PALM: variants seen among roughly 807,000 people sequenced by gnomAD.
PALM encodes paralemmin.
A neutral mutation model predicts 30.7 loss-of-function variants in PALM; 18 were observed. The ratio of observed to expected loss-of-function variants is 0.59; its 90% CI spans 0.41 to 0.87. PALM has a LOEUF of 0.87. Ranked by LOEUF, PALM falls within the 40% of genes least tolerant of loss-of-function variation. The probability of loss-of-function intolerance (pLI) is 0.00; values close to 1 mark genes in which losing one functional copy is unlikely to be tolerated. For synonymous variants in PALM, 286 were observed against 242.8 expected (o/e 1.18, Z -1.66); for missense variants, 529 against 555.4 (o/e 0.95, Z 0.48).
chr19:728,864 C>G (rs1390094638), intron 4 of PALM, among the ~76,000 whole-genome samples: 1 of 151,966 alleles, frequency 6.6e-6, no homozygotes, highest in Non-Finnish European at 1.5e-5. Context: ...ATTAGCCAGG[C>G]GTGGTGGCGG....
chr19:741,323 C>T (rs2033180791), intron 8 of PALM, among the ~76,000 whole-genome samples: 1 of 151,914 alleles, frequency 6.6e-6, no homozygotes, highest in Admixed American at 6.6e-5. Flanking sequence ...AGAGCCGCAG[C>T]CCCTGCAAAG....
At position 727,005 on chromosome 19, in the gene PALM, CAGGAG is replaced by C; in HGVS notation, c.58-1_61del. 2.0e-6 allele frequency: 3 copies of C among 1,533,594 alleles called. No individual in the cohort carries two copies. The highest frequency in any genetic ancestry group is 1.8e-6 in the Non-Finnish European group (2 of 1,132,946). The allele number at this position is 1,533,594 out of a possible 1,614,324, so 95.0% of individuals were successfully genotyped here. A position where few individuals can be genotyped will look rare whatever the true frequency, so the allele number is the denominator to read the frequency against. On this transcript the variant is annotated splice_acceptor_variant and coding_sequence_variant, in exon 3 of 9. Transcript: ENST00000338448. LOFTEE classifies it high-confidence loss of function. ...CCCTGACCCCACCCGGCCCTCCCCA[CAGGAG>C]AAGCGGAAGCGGCAGGCGGAGATCG...
chr19:723,073 A>C (rs1315374522), intron 1 of PALM, among the ~76,000 whole-genome samples: 3 of 148,758 alleles, frequency 2.0e-5, no homozygotes, highest in Non-Finnish European at 3.0e-5. Flanking sequence ...GCAGCCTCCC[A>C]GGCGGGGCTG....
intron 4 of PALM, among the ~76,000 whole-genome samples, chr19:730,030 T>TAGTTTGCTTTCAGAGGCC (rs2032822544): frequency 6.6e-6 from 1 of 152,044 alleles, no homozygotes; most frequent in Non-Finnish European, 1.5e-5. Context: ...TTTCAGAGGC[T>TAGTTTGCTTTCAGAGGCC]TCAGCTTCAC....
intron 7 of PALM, among the ~76,000 whole-genome samples, chr19:738,234 A>G (rs1320137979): frequency 1.3e-5 from 2 of 152,034 alleles, no homozygotes; most frequent in African/African-American, 4.8e-5. Context: ...CTACTAAAAA[A>G]TAGAAAAATT....
intron 4 of PALM, 150 bp from the exon 5 acceptor site, chr19:730,945 G>A (rs961069427): frequency 2.5e-5 from 14 of 566,160 alleles, no homozygotes; most frequent in South Asian, 5.0e-5. Flanking sequence ...AGGTTGCAGC[G>A]AGCCAAGATC....
chr19:738,576 C>T (rs2033092931), intron 7 of PALM, among the ~76,000 whole-genome samples: 1 of 151,178 alleles, frequency 6.6e-6, no homozygotes, highest in South Asian at 2.1e-4. Context: ...TGGGAAGAGC[C>T]AGGGTGGGGG....
At chr19:745,527 C>T (rs1222390807) in intron 8 of PALM, among the ~76,000 whole-genome samples, 1 of 151,534 alleles carries the variant, frequency 6.6e-6, no homozygotes, top group Non-Finnish European at 1.5e-5. Context: ...AACCCCAGCT[C>T]TATTAAAAAT....
rs1568215720 is a variant in PALM, at chr19:709,793, G to A, written c.5+642G>A. ...ACCGGCGTTTTCCAGCGGGGCGCCT[G>A]GGTGGGATACCCTCTCGGGGAAGTG... On this transcript the variant is annotated intron_variant, in intron 1 of 8. Coordinates refer to ENST00000338448, the MANE Select transcript of PALM (RefSeq NM_002579.3). This position sits in a 1 kb window ranked among gnomAD's most constrained non-coding sequence, Gnocchi z 4.3. Among the ~76,000 whole-genome samples, 1 of 152,212 alleles carries A rather than the reference G, an allele frequency of 6.6e-6. No homozygotes were observed. The highest frequency in any genetic ancestry group is 6.5e-5 in the Admixed American group (1 of 15,290).
intron 7 of PALM, among the ~76,000 whole-genome samples, chr19:740,066 C>G (rs1468407171): frequency 6.6e-6 from 1 of 152,226 alleles, no homozygotes; most frequent in African/African-American, 2.4e-5. Context: ...ACAGAGGACA[C>G]AGTGCAGAGT....
chr19:745,687 A>G (rs1247273371), intron 8 of PALM, among the ~76,000 whole-genome samples: 3 of 7,482 alleles, frequency 4.0e-4, no homozygotes, highest in Non-Finnish European at 5.4e-4. Context: ...TCCATCTCAG[A>G]AAAAAAAAAA....
At chr19:744,663 G>A (rs1387263259) in intron 8 of PALM, among the ~76,000 whole-genome samples, 1 of 152,090 alleles carries the variant, frequency 6.6e-6, no homozygotes, top group African/African-American at 2.4e-5. Context: ...GGAGGCCAAG[G>A]CGGGTGGCTC....
chr19:730,357 G>T (rs1351282556), intron 4 of PALM, among the ~76,000 whole-genome samples: 1 of 152,152 alleles, frequency 6.6e-6, no homozygotes, highest in African/African-American at 2.4e-5. Flanking sequence ...AATGTCGCCC[G>T]CCCTTGCCAG....
chr19:731,224 G>A lies in PALM; in HGVS notation c.399G>A (p.Glu133=). The A allele has an allele frequency of 6.2e-7, 1 of 1,610,932 alleles. No individual in the cohort carries two copies. The highest frequency in any genetic ancestry group is 8.5e-7 in the Non-Finnish European group (1 of 1,179,158). The part of the protein sequence containing the change: ...PSPAKEERKT[E]VVMNSQQTPV... Reference sequence around the variant, plus strand: ...CAGCCAAGGAGGAGCGCAAGACAGAGGTGGTGATGAATTCACAGCAGGTAA... The same window carrying A: ...CAGCCAAGGAGGAGCGCAAGACAGAAGTGGTGATGAATTCACAGCAGGTAA... The change falls in exon 5 of 9, where the codon GAG becomes GAA. Residue 133 remains glutamate, a synonymous_variant. Coordinates refer to ENST00000338448, the MANE Select transcript of PALM (RefSeq NM_002579.3).
Position 736,091 on chromosome 19 carries a change from C to T in PALM, c.502+13C>T, listed in dbSNP as rs1230904593. Reference sequence around the variant, plus strand: ...ATGATGAAGGCAGGTGGGTTGGCCCCCAGGCTCTGGGCCCCAGATCCAGCC... The same window carrying T: ...ATGATGAAGGCAGGTGGGTTGGCCCTCAGGCTCTGGGCCCCAGATCCAGCC... On this transcript the variant is annotated intron_variant, in intron 7 of 8. Transcript: ENST00000338448. The T allele has an allele frequency of 6.2e-7, 1 of 1,602,000 alleles. No individual in the cohort carries two copies. The highest frequency in any genetic ancestry group is 1.7e-5 in the Admixed American group (1 of 58,778).
chr19:743,818 A>T (rs2033259526), intron 8 of PALM, among the ~76,000 whole-genome samples: 1 of 152,238 alleles, frequency 6.6e-6, no homozygotes, highest in African/African-American at 2.4e-5. Flanking sequence ...AGTCAGAGAC[A>T]CACAGATAAG....
At position 746,372 on chromosome 19, in the gene PALM, A is replaced by G. The variant is rs2033340279; in HGVS notation, c.722A>G (p.Glu241Gly). Reference protein sequence around the residue: ...EVDELIHKADEVTLSEAGSTA... With the variant: ...EVDELIHKADGVTLSEAGSTA... ...GACGAACTCATCCACAAAGCGGACG[A>G]GGTCACGCTGAGCGAGGCAGGGTCC... Residue 241 changes from glutamate to glycine, a missense_variant, in exon 9 of 9, where the codon GAG (glutamate) becomes GGG (glycine). By Grantham distance (98) the Glu-to-Gly change is moderately conservative. Coordinates refer to ENST00000338448, the MANE Select transcript of PALM (RefSeq NM_002579.3). The surrounding 1 kb of genome is among the most constrained non-coding windows in gnomAD (Gnocchi z 7.1). The G allele has an allele frequency of 1.2e-6, 2 of 1,613,314 alleles. No homozygotes were observed. Among genetic ancestry groups the G allele is most frequent in the East Asian group, 4.5e-5 (2 of 44,828 alleles).
At chr19:718,585 C>T (rs2032346932) in intron 1 of PALM, among the ~76,000 whole-genome samples, 1 of 152,174 alleles carries the variant, frequency 6.6e-6, no homozygotes, top group Admixed American at 6.5e-5. Context: ...TGCTTCTCTG[C>T]ATCTGTGGCC....
At chr19:715,381 C>T (rs544491159) in intron 1 of PALM, among the ~76,000 whole-genome samples, 12 of 152,168 alleles carry the variant, frequency 7.9e-5, no homozygotes, top group Non-Finnish European at 1.5e-4. Context: ...ATAAATGCTC[C>T]CTCCTCACCA....
Sources: allele counts gnomAD v4.1 joint callset (sites outside exome capture counted in the v4.1 genomes callset), GRCh38; gene constraint gnomAD v4.1.1; non-coding constraint Gnocchi (gnomAD v3.1); transcripts MANE v1.5; gene names NCBI Gene and HGNC (gene_info 2026-07-23, HGNC 2026-07-21).